The following NBPF12 variants were observed in gnomAD, a reference collection of about 807,000 sequenced individuals.
NBPF12 encodes NBPF member 12.
A neutral mutation model predicts 146.4 loss-of-function variants in NBPF12; 115 were observed. The ratio of observed to expected loss-of-function variants is 0.79; its 90% CI spans 0.68 to 0.92. The LOEUF (loss-of-function observed/expected upper bound fraction) is 0.92, where lower values mean the gene tolerates loss of function less well. Among genes scored for constraint, NBPF12 ranks in the 40% least tolerant of loss-of-function variants. The pLI, the probability that NBPF12 is intolerant of heterozygous loss-of-function variation, is 0.00. For synonymous variants in NBPF12, 385 were observed against 508.9 expected (o/e 0.76, Z 3.28); for missense variants, 1,205 against 1,326.8 (o/e 0.91, Z 1.43).
At chr1:146,962,488 G>C (rs1465687853) in intron 5 of NBPF12, among the ~76,000 whole-genome samples, 1 of 151,734 alleles carries the variant, frequency 6.6e-6, no homozygotes, top group African/African-American at 2.4e-5. Flanking sequence ...ACAAGTAATT[G>C]TTGAGGTGAA....
chr1:146,954,344 C>T (rs1231609804), intron 2 of NBPF12, among the ~76,000 whole-genome samples: 7 of 107,684 alleles, frequency 6.5e-5, no homozygotes, highest in Non-Finnish European at 1.8e-5. Flanking sequence ...GAGCCGAGAT[C>T]GCATCACTGC....
exon 34 of NBPF12, chr1:146,994,462 T>C: frequency 6.2e-7 from 1 of 1,609,202 alleles, no homozygotes; most frequent in South Asian, 1.1e-5. Context: ...TGTGTTTTAC[T>C]CATTTGAGGA....
chr1:146,965,073 T>A, exon 8 of NBPF12: 1 of 1,603,280 alleles, frequency 6.2e-7, no homozygotes, highest in Non-Finnish European at 8.5e-7. Flanking sequence ...CCTCTCATGA[T>A]GAATGTCAGG....
At chr1:146,971,262 G>T (rs1553886386) in exon 13 of NBPF12, 5 of 1,612,224 alleles carry the variant, frequency 3.1e-6, no homozygotes, top group East Asian at 4.5e-5. Context: ...AAATAGCCAC[G>T]GCCCTTGTGA....
intron 13 of NBPF12, among the ~76,000 whole-genome samples, chr1:146,971,923 CAAA>C (rs1183344325): frequency 0.11 from 15,831 of 138,494 alleles, 1,176 homozygotes; most frequent in East Asian, 0.23. Flanking sequence ...ACTAAAAATA[CAAA>C]AAAAAAAAAA....
chr1:146,941,876 T>C (rs1277823706), intron 1 of NBPF12, among the ~76,000 whole-genome samples: 1 of 150,356 alleles, frequency 6.7e-6, no homozygotes, highest in African/African-American at 2.5e-5. Context: ...ATTTTTTTTT[T>C]CAGACAGGGT....
chr1:146,985,001 T>C lies in NBPF12; in HGVS notation c.2839+16T>C. 1 of 1,158,768 alleles carries C rather than the reference T, an allele frequency of 8.6e-7. No individual in the cohort carries two copies. Among genetic ancestry groups the C allele is most frequent in the Non-Finnish European group, 1.3e-6 (1 of 768,526 alleles). The allele number at this position is 1,158,768 out of a possible 1,614,324, so 71.8% of individuals were successfully genotyped here. On this transcript the variant is annotated intron_variant, in intron 22 of 33. Coordinates refer to ENST00000617844, the Ensembl canonical transcript of NBPF12. ...GACATGGATGGTGAGTACCTTTCTATGAAGGTGATAAGGATCCACTGAGTC... is the reference window on the plus strand; with the variant it reads ...GACATGGATGGTGAGTACCTTTCTACGAAGGTGATAAGGATCCACTGAGTC...
At chr1:146,992,229 A>G (rs1658213599) in intron 31 of NBPF12, among the ~76,000 whole-genome samples, 183 bp downstream of exon 34, 1 of 133,074 alleles carries the variant, frequency 7.5e-6, no homozygotes, top group South Asian at 2.3e-4. Context: ...TCCTCCCCTT[A>G]TCATTTACTA....
At chr1:146,966,274 A>C (rs1233567953) in intron 8 of NBPF12, among the ~76,000 whole-genome samples, 190 bp from the exon 12 acceptor site, 51 of 152,112 alleles carry the variant, frequency 3.4e-4, no homozygotes, top group African/African-American at 8.7e-4. Context: ...GTCCTGCTTT[A>C]AAGGTGACTG....
At chr1:146,951,167 G>C (rs1655308025) in intron 1 of NBPF12, among the ~76,000 whole-genome samples, 181 bp from the exon 5 acceptor site, 1 of 152,060 alleles carries the variant, frequency 6.6e-6, no homozygotes, top group South Asian at 2.1e-4. Flanking sequence ...CATGAAGTTG[G>C]GATTCAGGAA....
rs1373995950 is a variant in NBPF12 at position 146,984,218 on chromosome 1, A to G, written c.2666+33A>G. 3.5e-3 allele frequency: 2,695 copies of G among 773,056 alleles called. 55 individuals are homozygous for G. The African/African-American group carries it at 0.041, about 12-fold the overall frequency. 47.9% of individuals were successfully genotyped at this position (773,056 alleles called of 1,614,324 possible). On this transcript the variant is annotated intron_variant, in intron 21 of 33. Coordinates refer to ENST00000617844, the Ensembl canonical transcript of NBPF12. ...TGAGAAATTGTGGACAGTTAATTTG[A>G]TGTTGACACCTGGAGATGCCAAGTC...
chr1:146,954,921 G>GTGTGTA (rs1221810506), intron 2 of NBPF12, among the ~76,000 whole-genome samples: 13 of 91,242 alleles, frequency 1.4e-4, no homozygotes, highest in East Asian at 2.9e-4. Flanking sequence ...GTGTGTGTGT[G>GTGTGTA]TATATATATA....
chr1:146,955,013 T>TAC (rs1228510348), intron 2 of NBPF12, among the ~76,000 whole-genome samples: 2,469 of 67,052 alleles, frequency 0.037, 204 homozygotes, highest in Non-Finnish European at 0.052. Context: ...TATATATATA[T>TAC]ACACACACAC....
In NBPF12 at chr1:146,963,312, A is replaced by G; in HGVS notation, c.493+3A>G. The stretch of plus-strand genomic sequence containing the variant: ...ACTTGTCCAAAAGCTCAGCCCAGGT[A>G]AGGTGGCCATAGGCCCTGATGACCC... On this transcript the variant is annotated splice_donor_region_variant and intron_variant, in intron 6 of 33. Transcript: ENST00000617844. The G allele has an allele frequency of 1.2e-6, 2 of 1,611,832 alleles. No individual in the cohort carries two copies. The highest frequency in any genetic ancestry group is 2.2e-5 in the East Asian group (1 of 44,864).
chr1:146,969,468 C>T, exon 11 of NBPF12: 3 of 1,365,042 alleles, frequency 2.2e-6, no homozygotes, highest in Non-Finnish European at 2.1e-6. Context: ...GCCTCCCGCT[C>T]ATTGAATGAG....
At chr1:146,964,850 T>C (rs1270713289) in intron 7 of NBPF12, 43 bp from the exon 11 acceptor site, 12 of 1,401,000 alleles carry the variant, frequency 8.6e-6, no homozygotes, top group Middle Eastern at 2.5e-4. Flanking sequence ...CCAATCCCTC[T>C]GTGTTTAATC....
chr1:146,939,003 C>T (rs1218541571), intron 1 of NBPF12: 5 of 152,322 alleles, frequency 3.3e-5, no homozygotes, highest in Admixed American at 2.6e-4. Context: ...CGCGCCAGGC[C>T]GGGCGGCAGG....
At position 146,975,491 on chromosome 1, in the gene NBPF12, G is replaced by A. The variant is rs1307658424; in HGVS notation, c.1905-186G>A. Among the ~76,000 whole-genome samples the A allele has an allele frequency of 2.1e-4, 32 of 149,382 alleles. 1 individual carries two copies. Among genetic ancestry groups the A allele is most frequent in the South Asian group, 8.4e-4 (4 of 4,744 alleles). On this transcript the variant is annotated intron_variant, in intron 15 of 33. Coordinates refer to ENST00000617844, the Ensembl canonical transcript of NBPF12. ...CGAGGATCTTGCAGGAGCCCTCTCTGATACAGAGGAAGCCTGTAAACCATT... is the reference window on the plus strand; with the variant it reads ...CGAGGATCTTGCAGGAGCCCTCTCTAATACAGAGGAAGCCTGTAAACCATT...
chr1:146,984,484 A>T (rs1450453740), intron 21 of NBPF12, among the ~76,000 whole-genome samples: 1 of 150,340 alleles, frequency 6.7e-6, no homozygotes. Flanking sequence ...GCTTTTCATG[A>T]TCACTGTTCA....
Sources: allele counts gnomAD v4.1 joint callset (sites outside exome capture counted in the v4.1 genomes callset), GRCh38; gene constraint gnomAD v4.1.1; transcripts MANE v1.5; gene names NCBI Gene and HGNC (gene_info 2026-07-23, HGNC 2026-07-21).